The following ASTN2 variants were observed in gnomAD, a reference collection of about 807,000 sequenced individuals.
The protein encoded by ASTN2 is astrotactin 2.
Under a neutral mutation model 139.8 loss-of-function variants are expected in ASTN2, and 54 were observed. The ratio of observed to expected loss-of-function variants is 0.39; its 90% CI spans 0.31 to 0.48. ASTN2 has a LOEUF of 0.48. Ranked by LOEUF, ASTN2 falls within the 20% of genes least tolerant of loss-of-function variation. The probability of loss-of-function intolerance (pLI) is 0.95; values close to 1 mark genes in which losing one functional copy is unlikely to be tolerated. For missense variants in ASTN2, 1,565 were observed against 1,725.1 expected, an observed-to-expected ratio of 0.91 and a Z score of 1.64; for synonymous variants, 756 against 719.5, an observed-to-expected ratio of 1.05 and a Z score of -0.81.
Position 116,897,245 on chromosome 9 carries a change from T to G in ASTN2, c.1890-33512A>C, listed in dbSNP as rs191244928. ...CAAGTGGTAATACCAGGCGAAGGAC[T>G]GCAAGATCAAGCTCTGTGCTCTGTG... On this transcript the variant is annotated intron_variant, in intron 10 of 22. Coordinates refer to ENST00000313400, the MANE Select transcript of ASTN2 (RefSeq NM_001365068.1). 3.7e-3 allele frequency among the ~76,000 whole-genome samples: 558 copies of G among 152,328 alleles called. 3 individuals are homozygous for G. The highest frequency in any genetic ancestry group is 0.013 in the African/African-American group (542 of 41,584).
intron 19 of ASTN2, among the ~76,000 whole-genome samples, chr9:116,602,799 A>T (rs1564145872): frequency 1.3e-5 from 2 of 152,118 alleles, no homozygotes; most frequent in African/African-American, 4.8e-5. Flanking sequence ...GCATGGTGGC[A>T]TGCATCTACA....
chr9:117,237,188 T>C (rs1317649462), intron 2 of ASTN2, among the ~76,000 whole-genome samples: 2 of 152,194 alleles, frequency 1.3e-5, no homozygotes, highest in African/African-American at 4.8e-5. Flanking sequence ...GCCATTACGT[T>C]CAATGACAAA....
Position 117,008,088 on chromosome 9 carries a change from T to C in ASTN2, c.1591+4A>G. The C allele has an allele frequency of 6.3e-7, 1 of 1,587,006 alleles. No homozygotes were observed. On this transcript the variant is annotated splice_donor_region_variant and intron_variant, in intron 7 of 22. Transcript: ENST00000313400. Reference sequence around the variant, plus strand: ...CTATCCCCATCCCGGCTCCCATGGCTCACCGGTTTCTGGGTCGCAGAGCTG... The same window carrying C: ...CTATCCCCATCCCGGCTCCCATGGCCCACCGGTTTCTGGGTCGCAGAGCTG...
intron 3 of ASTN2, chr9:117,180,570 A>G: frequency 1.3e-6 from 1 of 775,956 alleles, no homozygotes; most frequent in East Asian, 2.7e-5. Context: ...CACAGCAATC[A>G]TTTATTGACT....
chr9:117,320,708 T>C (rs1218440620), intron 1 of ASTN2, among the ~76,000 whole-genome samples: 2 of 152,162 alleles, frequency 1.3e-5, no homozygotes, highest in African/African-American at 4.8e-5. Context: ...AGCAGCACTG[T>C]CACATGTGCT....
Position 116,651,517 on chromosome 9 carries a change from G to A in ASTN2, c.3072+11C>T. ...CAAGTTTGACTGAGTGGCTGGGCCAGGGGAGCTCACCTCCTTTGTGCCATT... is the reference window on the plus strand; with the variant it reads ...CAAGTTTGACTGAGTGGCTGGGCCAAGGGAGCTCACCTCCTTTGTGCCATT... On this transcript the variant is annotated intron_variant, in intron 17 of 22. Transcript: ENST00000313400. 6.2e-7 allele frequency: 1 copy of A among 1,610,922 alleles called. No homozygotes were observed.
chr9:116,780,355 CT>C (rs1037679901), intron 13 of ASTN2, among the ~76,000 whole-genome samples: 3 of 152,194 alleles, frequency 2.0e-5, no homozygotes, highest in African/African-American at 7.2e-5. Flanking sequence ...AATTTGCTCA[CT>C]GAATGGACTT....
intron 1 of ASTN2, among the ~76,000 whole-genome samples, chr9:117,336,148 G>A (rs984133092): frequency 6.6e-6 from 1 of 151,756 alleles, no homozygotes; most frequent in African/African-American, 2.4e-5. Flanking sequence ...CAAGGCCTCA[G>A]ACAGGAGGTG....
At chr9:116,667,617 G>C (rs1435640219) in intron 16 of ASTN2, among the ~76,000 whole-genome samples, 1 of 152,154 alleles carries the variant, frequency 6.6e-6, no homozygotes, top group African/African-American at 2.4e-5. Flanking sequence ...ACGGCTGCCA[G>C]ATTACACAAA....
chr9:117,361,635 T>C (rs1829695328), intron 1 of ASTN2, among the ~76,000 whole-genome samples: 1 of 152,116 alleles, frequency 6.6e-6, no homozygotes, highest in Admixed American at 6.5e-5. Flanking sequence ...AGCTCACTGG[T>C]GCCAGATATC....
intron 1 of ASTN2, among the ~76,000 whole-genome samples, chr9:117,325,623 T>G (rs1288563781): frequency 6.6e-6 from 1 of 152,138 alleles, no homozygotes. Flanking sequence ...TCACGGAGAC[T>G]GATAAGGAAG....
At chr9:116,861,960 G>A (rs938898759) in intron 11 of ASTN2, among the ~76,000 whole-genome samples, 1 of 135,892 alleles carries the variant, frequency 7.4e-6, no homozygotes, top group Admixed American at 8.3e-5. Flanking sequence ...TTAAGCCAAT[G>A]CATTTCCTTC....
At chr9:116,838,209 A>G (rs1300856041) in intron 11 of ASTN2, among the ~76,000 whole-genome samples, 1 of 150,114 alleles carries the variant, frequency 6.7e-6, no homozygotes, top group East Asian at 2.0e-4. Context: ...TCCCAGGTTC[A>G]CGCGATTCTC....
chr9:116,969,832 AT>A (rs1836133617), intron 10 of ASTN2, among the ~76,000 whole-genome samples: 1 of 152,126 alleles, frequency 6.6e-6, no homozygotes, highest in South Asian at 2.1e-4. Context: ...AAAATACCTA[AT>A]TTAGTAGGTA....
At chr9:116,741,151 C>T (rs1437683660) in intron 13 of ASTN2, among the ~76,000 whole-genome samples, 3 of 152,128 alleles carry the variant, frequency 2.0e-5, no homozygotes, top group Admixed American at 2.0e-4. Flanking sequence ...TGCCTGCCGC[C>T]CCCTTTTAAG....
chr9:117,216,515 ATGTGTGTATTTGTG>A (rs768882077), intron 2 of ASTN2, among the ~76,000 whole-genome samples: 5 of 152,200 alleles, frequency 3.3e-5, no homozygotes, highest in African/African-American at 9.7e-5. Context: ...ACGTGTATTT[ATGTGTGTATTTGTG>A]TGTGTGTGTT....
chr9:116,830,233 G>A (rs1831766130), intron 11 of ASTN2, among the ~76,000 whole-genome samples: 1 of 152,146 alleles, frequency 6.6e-6, no homozygotes, highest in South Asian at 2.1e-4. Context: ...ATGAAAAAAT[G>A]TTCAACATTA....
chr9:116,676,328 C>A (rs1859497616), intron 16 of ASTN2, among the ~76,000 whole-genome samples: 1 of 152,158 alleles, frequency 6.6e-6, no homozygotes, highest in Admixed American at 6.5e-5. Context: ...TAGTCTTAGG[C>A]CATAGCAAAT....
Position 116,651,713 on chromosome 9 carries a change from T to C in ASTN2, c.2887A>G (p.Met963Val), listed in dbSNP as rs769551031. The C allele has an allele frequency of 6.2e-7, 1 of 1,614,010 alleles. No individual in the cohort carries two copies. The highest frequency in any genetic ancestry group is 1.3e-5 in the African/African-American group (1 of 74,920). The change falls in exon 17 of 23, where the codon ATG becomes GTG. Residue 963 changes from methionine (M) to valine (V), a missense_variant. Transcript: ENST00000313400. Reference protein sequence around the residue: ...TYLSGLLTAQMLSDDQLISGV... With the variant: ...TYLSGLLTAQVLSDDQLISGV... ...GAAATGAGCTGGTCATCTGACAGCA[T>C]CTGGGCTGTCAGCAAACCTGAGAGG...
Sources: allele counts gnomAD v4.1 joint callset (sites outside exome capture counted in the v4.1 genomes callset), GRCh38; gene constraint gnomAD v4.1.1; transcripts MANE v1.5; gene names NCBI Gene and HGNC (gene_info 2026-07-23, HGNC 2026-07-21).